The following ARL10 variants were observed in gnomAD, a reference collection of about 807,000 sequenced individuals.
The protein encoded by ARL10 is ARF like GTPase 10.
Under a neutral mutation model 26.1 loss-of-function variants are expected in ARL10, and 23 were observed. The ratio of observed to expected loss-of-function variants is 0.88; its 90% CI spans 0.63 to 1.25. The LOEUF (loss-of-function observed/expected upper bound fraction) is 1.25. ARL10 is among the 50% of genes most tolerant of loss of function. ARL10 has a pLI of 0.00. For synonymous variants in ARL10, 138 were observed against 149.1 expected, an observed-to-expected ratio of 0.93 and a Z score of 0.54; for missense variants, 300 against 323.6, an observed-to-expected ratio of 0.93 and a Z score of 0.56.
downstream of ARL10, among the ~76,000 whole-genome samples, chr5:176,404,536 C>T (rs1178166900): frequency 1.3e-5 from 2 of 152,234 alleles, no homozygotes; most frequent in Non-Finnish European, 2.9e-5. Flanking sequence ...CTTCTGACTC[C>T]ATCTAAACCT....
chr5:176,388,951 C>G, downstream of ARL10: 1 of 1,614,140 alleles, frequency 6.2e-7, no homozygotes, highest in Non-Finnish European at 8.5e-7. Flanking sequence ...GCAAGACCCG[C>G]GAGAACCCGG....
intron 1 of ARL10, among the ~76,000 whole-genome samples, chr5:176,395,391 C>T (rs374712338): frequency 6.6e-6 from 1 of 152,258 alleles, no homozygotes; most frequent in East Asian, 1.9e-4. Context: ...CTGTGGGTGT[C>T]TTACCAATCT....
chr5:176,408,353 G>A, the ARL10 span, among the ~76,000 whole-genome samples: 1 of 151,866 alleles, frequency 6.6e-6, no homozygotes. Flanking sequence ...TGGCCAACAT[G>A]ATGAAACACC....
chr5:176,410,403 C>A, the ARL10 span: 1 of 895,016 alleles, frequency 1.1e-6, no homozygotes. Flanking sequence ...TGTGTATACC[C>A]ATGTATATAT....
chr5:176,400,639 A>T (rs1209040089), intron 1 of ARL10, among the ~76,000 whole-genome samples: 1 of 151,336 alleles, frequency 6.6e-6, no homozygotes, highest in Non-Finnish European at 1.5e-5. Flanking sequence ...CAGGCATCCC[A>T]CTCCAGCTAC....
chr5:176,404,583 T>A (rs984553505), downstream of ARL10, among the ~76,000 whole-genome samples: 12 of 152,236 alleles, frequency 7.9e-5, no homozygotes, highest in African/African-American at 2.9e-4. Flanking sequence ...GGAACAGCCT[T>A]AAGGAAACTC....
chr5:176,389,377 C>T (rs753521189), downstream of ARL10: 15 of 1,614,002 alleles, frequency 9.3e-6, no homozygotes, highest in South Asian at 1.5e-4. Flanking sequence ...TCTACTCCTT[C>T]CACCGGGGCA....
At chr5:176,391,156 G>C (rs1032283447), downstream of ARL10, among the ~76,000 whole-genome samples, 6 of 152,206 alleles carry the variant, frequency 3.9e-5, no homozygotes, top group African/African-American at 1.4e-4. Flanking sequence ...CCTCCACCAT[G>C]TTCTCTCAGC....
downstream of ARL10, among the ~76,000 whole-genome samples, chr5:176,391,890 A>G (rs1370120162): frequency 6.6e-6 from 1 of 152,266 alleles, no homozygotes; most frequent in Non-Finnish European, 1.5e-5. Flanking sequence ...ACCTTCTTAC[A>G]GAAGCCCTAG....
chr5:176,398,584 T>TGC (rs1166348300), intron 1 of ARL10, among the ~76,000 whole-genome samples: 2 of 151,760 alleles, frequency 1.3e-5, no homozygotes, highest in Non-Finnish European at 2.9e-5. Flanking sequence ...TGGTGGTGCA[T>TGC]GCCTGTAATC....
downstream of ARL10, chr5:176,406,699 G>A: frequency 7.8e-7 from 1 of 1,287,684 alleles, no homozygotes; most frequent in Non-Finnish European, 1.0e-6. Flanking sequence ...ACCCGCTGGT[G>A]GTGCACGGGC....
At chr5:176,370,115 T>C (rs1288818690) in intron 3 of ARL10, among the ~76,000 whole-genome samples, 2 of 152,210 alleles carry the variant, frequency 1.3e-5, no homozygotes, top group African/African-American at 2.4e-5. Context: ...TAACATTTAT[T>C]GTGTGCTTAC....
chr5:176,401,978 C>A (rs1403621087), downstream of ARL10: 1 of 328,128 alleles, frequency 3.0e-6, no homozygotes, highest in African/African-American at 2.2e-5. Context: ...TATTCGGAGT[C>A]TAAATCCGAT....
At chr5:176,403,341 C>T (rs1300255572), downstream of ARL10, among the ~76,000 whole-genome samples, 8 of 149,392 alleles carry the variant, frequency 5.4e-5, no homozygotes, top group African/African-American at 1.5e-4. Flanking sequence ...TGAGCTACTG[C>T]GCCTGGCCAA....
downstream of ARL10, chr5:176,383,877 G>A: frequency 1.7e-6 from 2 of 1,167,644 alleles, no homozygotes; most frequent in East Asian, 2.6e-5. Context: ...AGCCCCGGTA[G>A]AGGTGGTTTT....
At chr5:176,390,647 A>G (rs1278133027), downstream of ARL10, among the ~76,000 whole-genome samples, 1 of 152,076 alleles carries the variant, frequency 6.6e-6, no homozygotes, top group Non-Finnish European at 1.5e-5. Flanking sequence ...TGGTTTCACC[A>G]TGTTGGCCAG....
chr5:176,406,704 AC>A, downstream of ARL10: 1 of 1,286,820 alleles, frequency 7.8e-7, no homozygotes. Context: ...CTGGTGGTGC[AC>A]GGGCTGCAGA....
downstream of ARL10, chr5:176,406,193 A>G (rs1757113359): frequency 3.0e-6 from 3 of 995,084 alleles, no homozygotes; most frequent in South Asian, 1.3e-4. Context: ...CATGGCCAGG[A>G]GGGTTGGCAA....
intron 1 of ARL10, among the ~76,000 whole-genome samples, chr5:176,397,314 A>C: frequency 1.4e-5 from 2 of 144,042 alleles, no homozygotes; most frequent in African/African-American, 2.6e-5. Flanking sequence ...AGCCCCTCTC[A>C]TGTCCCCATA....
Sources: gnomAD v4.1 joint callset for allele counts (sites outside exome capture counted in the v4.1 genomes callset) on GRCh38, gnomAD v4.1.1 for gene constraint, MANE v1.5 for transcripts, NCBI Gene and HGNC (gene_info 2026-07-23, HGNC 2026-07-21) for gene names.